ADAMTS19: variants seen among roughly 807,000 people sequenced by gnomAD.
ADAMTS19 encodes ADAM metallopeptidase with thrombospondin type 1 motif 19, also known as A disintegrin and metalloproteinase with thrombospondin motifs 19.
Under a neutral mutation model 153.3 loss-of-function variants are expected in ADAMTS19, and 93 were observed. That is an observed-to-expected ratio of 0.61 (90% CI 0.51 to 0.72). The LOEUF (loss-of-function observed/expected upper bound fraction) is 0.72, where lower values mean the gene tolerates loss of function less well. ADAMTS19 is among the 30% of genes least tolerant of loss of function. The pLI, the probability that ADAMTS19 is intolerant of heterozygous loss-of-function variation, is 0.00. For synonymous variants in ADAMTS19, 600 were observed against 556.6 expected (o/e 1.08, Z -1.10); for missense variants, 1,482 against 1,552.1 (o/e 0.95, Z 0.76).
intron 2 of ADAMTS19, among the ~76,000 whole-genome samples, chr5:129,478,736 G>A (rs965285404): frequency 6.6e-6 from 1 of 151,956 alleles, no homozygotes; most frequent in African/African-American, 2.4e-5. Context: ...CAGATGAGGG[G>A]TCTCTCTGTA....
intron 18 of ADAMTS19, among the ~76,000 whole-genome samples, 155 bp from the exon 19 acceptor site, chr5:129,694,565 A>G (rs1285471201): frequency 2.0e-5 from 3 of 152,036 alleles, no homozygotes; most frequent in Admixed American, 1.3e-4. Flanking sequence ...AAATGTATAC[A>G]TCTAATATGA....
At chr5:129,468,297 T>C (rs1749943163) in intron 2 of ADAMTS19, among the ~76,000 whole-genome samples, 1 of 152,268 alleles carries the variant, frequency 6.6e-6, no homozygotes, top group Admixed American at 6.5e-5. Flanking sequence ...CTGTTACCAG[T>C]ATGGACGTTA....
intron 8 of ADAMTS19, among the ~76,000 whole-genome samples, chr5:129,598,491 G>C (rs1425254622): frequency 1.3e-5 from 2 of 152,158 alleles, no homozygotes; most frequent in African/African-American, 4.8e-5. Flanking sequence ...TAATTACACA[G>C]CTCACTGAAT....
In ADAMTS19 at chr5:129,658,498, T is replaced by A. The variant is rs17163193; in HGVS notation, c.2305-119T>A. The A allele has an allele frequency of 9.0e-3, 8,864 of 989,952 alleles. 485 individuals carry two copies. In the African/African-American group the frequency reaches 0.13, roughly 14 times the overall value. The allele number at this position is 989,952 out of a possible 1,614,324, so 61.3% of individuals were successfully genotyped here. A position where few individuals can be genotyped will look rare whatever the true frequency, so the allele number is the denominator to read the frequency against. ...GAGAATGACATTTTATAATATGACA[T>A]TTCATAAGTTTTACAATTAAATATA... On this transcript the variant is annotated intron_variant, in intron 14 of 22. Coordinates refer to ENST00000274487, the MANE Select transcript of ADAMTS19 (RefSeq NM_133638.6).
chr5:129,704,532 G>A, intron 21 of ADAMTS19, 141 bp downstream of exon 21: 1 of 926,982 alleles, frequency 1.1e-6, no homozygotes, highest in Non-Finnish European at 1.6e-6. Flanking sequence ...GATTCTGGCT[G>A]GCTGTCCATG....
intron 7 of ADAMTS19, among the ~76,000 whole-genome samples, chr5:129,560,903 T>C (rs1279828301): frequency 1.3e-5 from 2 of 152,206 alleles, no homozygotes; most frequent in Non-Finnish European, 2.9e-5. Context: ...TCAGATTGTC[T>C]GTATGCCTCA....
chr5:129,629,486 G>A (rs886411417), intron 10 of ADAMTS19, among the ~76,000 whole-genome samples: 3 of 152,000 alleles, frequency 2.0e-5, no homozygotes, highest in African/African-American at 7.2e-5. Flanking sequence ...TTGGGCCATA[G>A]CATCTAAATT....
chr5:129,528,508 G>C lies in ADAMTS19; in HGVS notation c.1171-12G>C. The C allele has an allele frequency of 4.5e-6, 7 of 1,563,732 alleles. No individual in the cohort carries two copies. The highest frequency in any genetic ancestry group is 6.0e-6 in the Non-Finnish European group (7 of 1,159,804). On this transcript the variant is annotated splice_polypyrimidine_tract_variant and intron_variant, in intron 5 of 22. Coordinates refer to ENST00000274487, the MANE Select transcript of ADAMTS19 (RefSeq NM_133638.6). ...AATAATATGCCTTGTGATGAGCTCT[G>C]TTCTTTTGCAGCCAGAACTATATAT...
intron 4 of ADAMTS19, 143 bp downstream of exon 4, chr5:129,526,599 A>G (rs779722124): frequency 6.1e-4 from 452 of 745,122 alleles, no homozygotes; most frequent in Non-Finnish European, 8.3e-4. Flanking sequence ...ATACTTAGGT[A>G]TATAAAATTG....
chr5:129,470,006 G>A (rs1580980233), intron 2 of ADAMTS19, among the ~76,000 whole-genome samples: 1 of 152,136 alleles, frequency 6.6e-6, no homozygotes, highest in African/African-American at 2.4e-5. Context: ...GATGCTGATC[G>A]AATAAGCTAC....
intron 14 of ADAMTS19, among the ~76,000 whole-genome samples, chr5:129,655,028 C>T (rs919988543): frequency 6.6e-6 from 1 of 152,098 alleles, no homozygotes; most frequent in Non-Finnish European, 1.5e-5. Context: ...GTGGAGAGAT[C>T]AAAGTGTAGA....
At chr5:129,466,760 T>C (rs1223274672) in intron 2 of ADAMTS19, among the ~76,000 whole-genome samples, 2 of 152,236 alleles carry the variant, frequency 1.3e-5, no homozygotes, top group Non-Finnish European at 2.9e-5. Context: ...ATACGCTACC[T>C]ATCAGTTACA....
intron 6 of ADAMTS19, among the ~76,000 whole-genome samples, chr5:129,548,117 A>G (rs983537029): frequency 6.6e-5 from 10 of 150,906 alleles, no homozygotes; most frequent in Non-Finnish European, 1.5e-4. Context: ...AGGCATGGGC[A>G]AAGACTTCAT....
At chr5:129,506,216 T>C (rs148117213) in intron 2 of ADAMTS19, among the ~76,000 whole-genome samples, 1 of 152,114 alleles carries the variant, frequency 6.6e-6, no homozygotes, top group Non-Finnish European at 1.5e-5. Context: ...ATGACACATA[T>C]TCATGCTAGG....
chr5:129,460,521 A>G (rs1465304969), intron 1 of ADAMTS19, 39 bp downstream of exon 1: 1 of 1,612,770 alleles, frequency 6.2e-7, no homozygotes, highest in Non-Finnish European at 8.5e-7. Flanking sequence ...CTTTCCAGCC[A>G]TCCCAGCGGA....
intron 2 of ADAMTS19, among the ~76,000 whole-genome samples, chr5:129,495,110 G>A (rs141211570): frequency 6.6e-6 from 1 of 151,936 alleles, no homozygotes; most frequent in African/African-American, 2.4e-5. Flanking sequence ...GTTAAATACT[G>A]AGGGTGGATA....
intron 7 of ADAMTS19, among the ~76,000 whole-genome samples, chr5:129,586,946 T>G (rs1749833108): frequency 6.6e-6 from 1 of 152,222 alleles, no homozygotes; most frequent in South Asian, 2.1e-4. Flanking sequence ...CTGTTTCCTC[T>G]AAGATTCAAA....
chr5:129,729,701 C>G (rs1205016197), intron 21 of ADAMTS19, among the ~76,000 whole-genome samples: 1 of 151,898 alleles, frequency 6.6e-6, no homozygotes, highest in Admixed American at 6.6e-5. Context: ...TTCTTAGACC[C>G]CAAAATTTTA....
chr5:129,583,917 T>C (rs1259482540), intron 7 of ADAMTS19, among the ~76,000 whole-genome samples: 1 of 152,074 alleles, frequency 6.6e-6, no homozygotes, highest in Non-Finnish European at 1.5e-5. Context: ...TTCTGTCAAT[T>C]TGTCAAAATC....
Sources: gnomAD v4.1 joint callset for allele counts (sites outside exome capture counted in the v4.1 genomes callset) on GRCh38, gnomAD v4.1.1 for gene constraint, MANE v1.5 for transcripts, NCBI Gene and HGNC (gene_info 2026-07-23, HGNC 2026-07-21) for gene names.